The following AGAP1 variants were observed in gnomAD, a reference collection of about 807,000 sequenced individuals.
AGAP1 encodes the protein arf-GAP with GTPase, ANK repeat and PH domain-containing protein 1.
A neutral mutation model predicts 105.3 loss-of-function variants in AGAP1; 29 were observed. That is an observed-to-expected ratio of 0.28 (90% confidence interval 0.21 to 0.38). AGAP1 has a LOEUF of 0.38. Among genes scored for constraint, AGAP1 ranks in the 10% least tolerant of loss-of-function variants. AGAP1 has a pLI of 1.00. For synonymous variants in AGAP1, 509 were observed against 485.9 expected, an observed-to-expected ratio of 1.05 and a Z score of -0.63; for missense variants, 998 against 1,165.1, an observed-to-expected ratio of 0.86 and a Z score of 2.09.
intron 12 of AGAP1, among the ~76,000 whole-genome samples, chr2:235,939,833 C>T (rs1437695396): frequency 2.0e-5 from 3 of 152,128 alleles, no homozygotes; most frequent in Admixed American, 6.5e-5. Context: ...ACCAGCAGAC[C>T]TCAGACGATA....
chr2:235,771,227 G>C (rs1363569360), intron 6 of AGAP1, among the ~76,000 whole-genome samples: 1 of 152,234 alleles, frequency 6.6e-6, no homozygotes, highest in Non-Finnish European at 1.5e-5. Context: ...GGGTTCATGG[G>C]AACTTGTTAG....
intron 6 of AGAP1, among the ~76,000 whole-genome samples, chr2:235,796,319 T>C: frequency 6.6e-6 from 1 of 152,342 alleles, no homozygotes; most frequent in Non-Finnish European, 1.5e-5. Context: ...TGAGTTCACA[T>C]AATGACTTTA....
chr2:235,681,004 G>T (rs1559342727), intron 1 of AGAP1, among the ~76,000 whole-genome samples: 1 of 151,826 alleles, frequency 6.6e-6, no homozygotes, highest in Non-Finnish European at 1.5e-5. Context: ...GAAAATTCTA[G>T]CCCCCCCTCC....
chr2:235,895,678 A>C (rs1319985077), intron 10 of AGAP1, among the ~76,000 whole-genome samples: 3 of 151,644 alleles, frequency 2.0e-5, no homozygotes, highest in Non-Finnish European at 4.4e-5. Context: ...ATGTATCTCT[A>C]ACATCTGGAA....
intron 9 of AGAP1, among the ~76,000 whole-genome samples, chr2:235,820,493 C>G (rs1958729273): frequency 1.3e-5 from 2 of 152,156 alleles, no homozygotes. Context: ...AAATAAATGT[C>G]TTCACATACA....
At position 236,092,672 on chromosome 2, in the gene AGAP1, G is replaced by A. The variant is rs2059093351; in HGVS notation, c.2115-27520G>A. Among the ~76,000 whole-genome samples, 1 of 152,210 alleles carries A rather than the reference G, an allele frequency of 6.6e-6. No individual in the cohort carries two copies. The highest frequency in any genetic ancestry group is 2.4e-5 in the African/African-American group (1 of 41,452). On this transcript the variant is annotated intron_variant, in intron 16 of 17. Transcript: ENST00000304032. This position sits in a 1 kb window ranked among gnomAD's most constrained non-coding sequence, Gnocchi z 4.7. ...CTCCCAAAGTGCTGGGATTACAGGCGTGAGCCACCGCGCCCGGCCGTATTA... is the reference window on the plus strand; with the variant it reads ...CTCCCAAAGTGCTGGGATTACAGGCATGAGCCACCGCGCCCGGCCGTATTA...
At chr2:235,711,364 A>T (rs1216083944) in intron 2 of AGAP1, among the ~76,000 whole-genome samples, 1 of 152,198 alleles carries the variant, frequency 6.6e-6, no homozygotes, top group Non-Finnish European at 1.5e-5. Flanking sequence ...GGCCCACATG[A>T]TCATACCAGC....
Position 235,623,789 on chromosome 2 carries a change from G to T in AGAP1, c.164-85390G>T, listed in dbSNP as rs767565301. Among the ~76,000 whole-genome samples, 53 of 152,046 alleles carry T rather than the reference G, an allele frequency of 3.5e-4. No homozygotes were observed. The highest frequency in any genetic ancestry group is 6.0e-4 in the Non-Finnish European group (41 of 68,012). ...TACATGTCAGATTTTTTTGAGTATTGTAGTTTTTTTCAATATTTATGGAAT... is the reference window on the plus strand; with the variant it reads ...TACATGTCAGATTTTTTTGAGTATTTTAGTTTTTTTCAATATTTATGGAAT... On this transcript the variant is annotated intron_variant, in intron 1 of 17. Transcript: ENST00000304032. This position sits in a 1 kb window ranked among gnomAD's most constrained non-coding sequence, Gnocchi z 4.5.
chr2:235,592,617 G>A (rs927291722), intron 1 of AGAP1, among the ~76,000 whole-genome samples: 3 of 152,146 alleles, frequency 2.0e-5, no homozygotes, highest in South Asian at 2.1e-4. Flanking sequence ...CTGGCTTCAC[G>A]GGAGGGGTGT....
In AGAP1 at chr2:236,125,864, C is replaced by T. The variant is rs964988783; in HGVS notation, c.*1742C>T. On this transcript the variant is annotated 3_prime_UTR_variant, in exon 18 of 18. Transcript: ENST00000304032. The surrounding 1 kb of genome is among the most constrained non-coding windows in gnomAD (Gnocchi z 5.2). ...AAACGGGGCAGCTTTGCCTAGAGCTCATTGACAGTGTGATGGGGGGAGAAG... is the reference window on the plus strand; with the variant it reads ...AAACGGGGCAGCTTTGCCTAGAGCTTATTGACAGTGTGATGGGGGGAGAAG... 7.2e-5 allele frequency: 11 copies of T among 152,166 alleles called. No homozygotes were observed. The highest frequency in any genetic ancestry group is 2.4e-4 in the African/African-American group (10 of 41,438). 9.4% of individuals were successfully genotyped at this position (152,166 alleles called of 1,614,324 possible).
rs1325917925 is a variant in AGAP1, at chr2:235,733,500, T to C, written c.311-7463T>C. 6.6e-6 allele frequency among the ~76,000 whole-genome samples: 1 copy of C among 152,228 alleles called. No homozygotes were observed. Among genetic ancestry groups the C allele is most frequent in the Non-Finnish European group, 1.5e-5 (1 of 68,032 alleles). On this transcript the variant is annotated intron_variant, in intron 3 of 17. Coordinates refer to ENST00000304032, the MANE Select transcript of AGAP1 (RefSeq NM_001037131.3). This position sits in a 1 kb window ranked among gnomAD's most constrained non-coding sequence, Gnocchi z 5.0. ...CCGTGCCCCTTTTCCTGTTGGATGG[T>C]GAAGTTCCTTCCTTCTGGCTTTAAT...
chr2:236,114,878 C>A lies in AGAP1; in HGVS notation c.2115-5314C>A, dbSNP rs577297244. Among the ~76,000 whole-genome samples, 3 of 152,260 alleles carry A rather than the reference C, an allele frequency of 2.0e-5. No individual in the cohort carries two copies. Among genetic ancestry groups the A allele is most frequent in the African/African-American group, 7.2e-5 (3 of 41,558 alleles). On this transcript the variant is annotated intron_variant, in intron 16 of 17. Coordinates refer to ENST00000304032, the MANE Select transcript of AGAP1 (RefSeq NM_001037131.3). The surrounding 1 kb of genome is among the most constrained non-coding windows in gnomAD (Gnocchi z 5.0). The stretch of plus-strand genomic sequence containing the variant: ...CTCAAGGCTATGGGCAGGAGCCAAC[C>A]AGATGTTGCTCCTGCAACTCTGACA...
At position 235,705,553 on chromosome 2, in the gene AGAP1, G is replaced by C. The variant is rs1002765140; in HGVS notation, c.164-3626G>C. Among the ~76,000 whole-genome samples the C allele has an allele frequency of 2.0e-4, 31 of 152,210 alleles. No individual in the cohort carries two copies. Among genetic ancestry groups the C allele is most frequent in the African/African-American group, 7.0e-4 (29 of 41,462 alleles). ...GTGTCCAGCCCACAGATAGGTCCCT[G>C]TAGTGGAGTAGGAGGAAGGACTATT... is the stretch of plus-strand genomic sequence containing the variant. On this transcript the variant is annotated intron_variant, in intron 1 of 17. Coordinates refer to ENST00000304032, the MANE Select transcript of AGAP1 (RefSeq NM_001037131.3). The surrounding 1 kb of genome is among the most constrained non-coding windows in gnomAD (Gnocchi z 4.9).
intron 11 of AGAP1, among the ~76,000 whole-genome samples, chr2:235,917,233 G>A (rs1452286684): frequency 6.6e-6 from 1 of 152,046 alleles, no homozygotes; most frequent in African/African-American, 2.4e-5. Flanking sequence ...GGTTGAAGCT[G>A]ATTTTCCAGG....
rs1432284846 is a variant in AGAP1, at chr2:235,777,709, G to T, written c.674-20050G>T. ...GCACCTTCCTAGAGCACCGCCATTG[G>T]CATAAGGACTAGGTAGGCAGATGTC... On this transcript the variant is annotated intron_variant, in intron 6 of 17. Transcript: ENST00000304032. This position sits in a 1 kb window ranked among gnomAD's most constrained non-coding sequence, Gnocchi z 5.1. Among the ~76,000 whole-genome samples the T allele has an allele frequency of 6.6e-6, 1 of 152,168 alleles. No homozygotes were observed. Among genetic ancestry groups the T allele is most frequent in the Non-Finnish European group, 1.5e-5 (1 of 68,032 alleles).
Position 235,908,688 on chromosome 2 carries a change from AG to A in AGAP1, c.1156-48del, listed in dbSNP as rs1386282859. ...AGACCCTTTTGTTCTAGGTTGTAAA[AG>A]GTCTTTTTTTTTTTTTTATCTCTCT... On this transcript the variant is annotated intron_variant, in intron 10 of 17. Coordinates refer to ENST00000304032, the MANE Select transcript of AGAP1 (RefSeq NM_001037131.3). This position sits in a 1 kb window ranked among gnomAD's most constrained non-coding sequence, Gnocchi z 4.4. The A allele has an allele frequency of 3.5e-6, 5 of 1,409,748 alleles. No individual in the cohort carries two copies. Among genetic ancestry groups the A allele is most frequent in the African/African-American group, 3.2e-5 (2 of 62,164 alleles). 87.3% of individuals were successfully genotyped at this position (1,409,748 alleles called of 1,614,324 possible).
At chr2:235,568,870 C>T (rs1413800055) in intron 1 of AGAP1, among the ~76,000 whole-genome samples, 1 of 152,160 alleles carries the variant, frequency 6.6e-6, no homozygotes, top group Non-Finnish European at 1.5e-5. Context: ...ATCTTCTGAC[C>T]TCTCACCTCT....
intron 13 of AGAP1, among the ~76,000 whole-genome samples, chr2:236,013,320 C>G (rs2125569926): frequency 6.6e-6 from 1 of 152,334 alleles, no homozygotes; most frequent in African/African-American, 2.4e-5. Flanking sequence ...TCCCAGGCGC[C>G]TAGTCATCAC....
At chr2:236,043,529 C>T (rs1308661014) in intron 15 of AGAP1, among the ~76,000 whole-genome samples, 2 of 152,144 alleles carry the variant, frequency 1.3e-5, no homozygotes, top group Non-Finnish European at 2.9e-5. Context: ...GAGTTCGAGA[C>T]CAGCCTGGCC....
Sources: allele counts gnomAD v4.1 joint callset (sites outside exome capture counted in the v4.1 genomes callset), GRCh38; gene constraint gnomAD v4.1.1; non-coding constraint Gnocchi (gnomAD v3.1); transcripts MANE v1.5; gene names NCBI Gene and HGNC (gene_info 2026-07-23, HGNC 2026-07-21).